The following PALLD variants were observed in gnomAD, a reference collection of about 807,000 sequenced individuals.
PALLD encodes palladin.
In PALLD, 61 loss-of-function variants were observed where a neutral mutation model predicts 123.5. The observed-to-expected ratio is 0.49, with a 90% CI of 0.40 to 0.61. PALLD has a LOEUF of 0.61. Among genes scored for constraint, PALLD ranks in the 20% least tolerant of loss-of-function variants. The pLI is 0.00. For synonymous variants in PALLD, 465 were observed against 496.4 expected, an observed-to-expected ratio of 0.94 and a Z score of 0.84; for missense variants, 1,273 against 1,377.0, an observed-to-expected ratio of 0.92 and a Z score of 1.20.
intron 11 of PALLD, among the ~76,000 whole-genome samples, chr4:168,891,703 A>G (rs1754174563): frequency 6.6e-6 from 1 of 150,724 alleles, no homozygotes; most frequent in Non-Finnish European, 1.5e-5. Context: ...AAAAAGGAAC[A>G]CAGGGATTCC....
intron 10 of PALLD, among the ~76,000 whole-genome samples, chr4:168,865,634 G>A (rs2151053156): frequency 6.6e-6 from 1 of 152,254 alleles, no homozygotes; most frequent in East Asian, 1.9e-4. Context: ...CGTCTTTATA[G>A]TGTTGTTCAC....
At chr4:168,879,471 G>A (rs1479040807) in intron 10 of PALLD, among the ~76,000 whole-genome samples, 1 of 152,168 alleles carries the variant, frequency 6.6e-6, no homozygotes, top group Non-Finnish European at 1.5e-5. Flanking sequence ...GCATACTATT[G>A]TTCAGAGAGA....
chr4:168,561,749 T>C (rs1233109605), intron 2 of PALLD, among the ~76,000 whole-genome samples: 1 of 152,212 alleles, frequency 6.6e-6, no homozygotes, highest in East Asian at 1.9e-4. Flanking sequence ...TTCCAAAGCT[T>C]AGCTTTACTT....
At chr4:168,582,715 G>A (rs1770413979) in intron 2 of PALLD, among the ~76,000 whole-genome samples, 1 of 152,080 alleles carries the variant, frequency 6.6e-6, no homozygotes, top group Non-Finnish European at 1.5e-5. Context: ...TGTTAATGTG[G>A]TATGTCACAT....
chr4:168,749,710 CAG>C (rs2150379273), intron 10 of PALLD, among the ~76,000 whole-genome samples: 1 of 152,190 alleles, frequency 6.6e-6, no homozygotes, highest in Admixed American at 6.5e-5. Context: ...ATCTCAATAA[CAG>C]TAATAATGAT....
chr4:168,877,993 C>A lies in PALLD; in HGVS notation c.1965-12929C>A. On this transcript the variant is annotated intron_variant, in intron 10 of 21. Transcript: ENST00000505667. ...TCATCGCCGCGCAGAACCTCGGGCC[C>A]GCGTCGGGCCACGGCACGCCGGCCT... is the stretch of plus-strand genomic sequence containing the variant. 6.7e-7 allele frequency: 1 copy of A among 1,499,866 alleles called. No homozygotes were observed. Among genetic ancestry groups the A allele is most frequent in the Non-Finnish European group, 8.8e-7 (1 of 1,130,264 alleles). The allele number at this position is 1,499,866 out of a possible 1,614,324, so 92.9% of individuals were successfully genotyped here. A position where few individuals can be genotyped will look rare whatever the true frequency, so the allele number is the denominator to read the frequency against.
chr4:168,886,629 C>A (rs1381462659), intron 10 of PALLD, among the ~76,000 whole-genome samples: 1 of 152,048 alleles, frequency 6.6e-6, no homozygotes, highest in African/African-American at 2.4e-5. Context: ...GGTGACAGAG[C>A]AAAACCCAGT....
At chr4:168,618,058 T>G (rs192659667) in intron 2 of PALLD, among the ~76,000 whole-genome samples, 1 of 152,224 alleles carries the variant, frequency 6.6e-6, no homozygotes, top group East Asian at 1.9e-4. Context: ...GAAAATAAAG[T>G]AACACCAATG....
chr4:168,550,647 G>A (rs1206969692), intron 2 of PALLD, among the ~76,000 whole-genome samples: 1 of 152,070 alleles, frequency 6.6e-6, no homozygotes, highest in Non-Finnish European at 1.5e-5. Flanking sequence ...CACTCACTAT[G>A]GGGGCGCCCT....
Position 168,916,145 on chromosome 4 carries a change from G to A in PALLD, c.2850+118G>A. On this transcript the variant is annotated intron_variant, in intron 17 of 21. Transcript: ENST00000505667. The stretch of plus-strand genomic sequence containing the variant: ...TATAAAATGAGAGCTGGGCACAGTG[G>A]CTCACACCTATAATCCCAGCACTTT... The A allele has an allele frequency of 3.0e-6, 3 of 998,638 alleles. No individual in the cohort carries two copies. The Admixed American group carries it at 5.1e-5, about 17-fold the overall frequency. 61.9% of individuals were successfully genotyped at this position (998,638 alleles called of 1,614,324 possible).
At chr4:168,667,265 G>T (rs1252709539) in intron 2 of PALLD, among the ~76,000 whole-genome samples, 1 of 152,166 alleles carries the variant, frequency 6.6e-6, no homozygotes, top group African/African-American at 2.4e-5. Context: ...TGGACTTAGA[G>T]AAAATCTCTA....
chr4:168,820,238 A>G (rs1742527152), intron 10 of PALLD, among the ~76,000 whole-genome samples: 1 of 152,244 alleles, frequency 6.6e-6, no homozygotes, highest in African/African-American at 2.4e-5. Context: ...GCCGTGCCAA[A>G]TGCTTTCCAA....
chr4:168,637,937 A>G (rs1047183257), intron 2 of PALLD, among the ~76,000 whole-genome samples: 1 of 123,256 alleles, frequency 8.1e-6, no homozygotes, highest in Non-Finnish European at 1.7e-5. Flanking sequence ...GAGGGAGAAT[A>G]CATCTCAAAA....
intron 13 of PALLD, 75 bp from the exon 14 acceptor site, chr4:168,898,418 A>C: frequency 1.1e-6 from 1 of 914,972 alleles, no homozygotes. Flanking sequence ...CTAGGGCCTT[A>C]TTGGGGGGCA....
At chr4:168,614,392 C>T (rs1254746141) in intron 2 of PALLD, among the ~76,000 whole-genome samples, 1 of 152,130 alleles carries the variant, frequency 6.6e-6, no homozygotes, top group African/African-American at 2.4e-5. Context: ...AGAGAGCAGC[C>T]ACACTGGCTG....
intron 14 of PALLD, 127 bp from the exon 15 acceptor site, chr4:168,903,630 T>G: frequency 2.6e-6 from 2 of 756,880 alleles, no homozygotes; most frequent in South Asian, 1.5e-5. Flanking sequence ...TAGTCAGGTA[T>G]TTGGTTTAAC....
chr4:168,715,501 A>C (rs1241091064), intron 10 of PALLD, among the ~76,000 whole-genome samples: 1 of 152,256 alleles, frequency 6.6e-6, no homozygotes, highest in African/African-American at 2.4e-5. Flanking sequence ...TAATCTTAAC[A>C]GGAGGAAAAA....
rs549284340 is a variant in PALLD, at chr4:168,912,519, A to G, written c.2623-1408A>G. Among the ~76,000 whole-genome samples the G allele has an allele frequency of 2.9e-4, 44 of 152,348 alleles. 1 individual carries two copies. In the South Asian group the frequency reaches 8.5e-3, roughly 29 times the overall value. On this transcript the variant is annotated intron_variant, in intron 15 of 21. Transcript: ENST00000505667. ...CAAAGTAACAATGTGTGGCTTATCC[A>G]TGTCATCTGGGTGCCCTGAGTATTA...
At chr4:168,749,646 G>A (rs1354901852) in intron 10 of PALLD, among the ~76,000 whole-genome samples, 1 of 152,188 alleles carries the variant, frequency 6.6e-6, no homozygotes, top group African/African-American at 2.4e-5. Flanking sequence ...AGAGGTTGCA[G>A]TGAGCCGAGA....
Sources: allele counts gnomAD v4.1 joint callset (sites outside exome capture counted in the v4.1 genomes callset), GRCh38; gene constraint gnomAD v4.1.1; transcripts MANE v1.5; gene names NCBI Gene and HGNC (gene_info 2026-07-23, HGNC 2026-07-21).